Variants in ALK observed in about 807,000 individuals in gnomAD.
ALK encodes the protein ALK tyrosine kinase receptor.
ALK carries 74 observed loss-of-function variants against 163.1 expected under a neutral mutation model. That is an observed-to-expected ratio of 0.45 (90% CI 0.38 to 0.55). The LOEUF is 0.55. Ranked by LOEUF, ALK falls within the 20% of genes least tolerant of loss-of-function variation. The probability of loss-of-function intolerance (pLI) is 0.00; values close to 1 mark genes in which losing one functional copy is unlikely to be tolerated. For missense variants in ALK, 2,063 were observed against 2,105.3 expected (o/e 0.98, Z 0.39); for synonymous variants, 960 against 843.2 (o/e 1.14, Z -2.40).
intron 12 of ALK, among the ~76,000 whole-genome samples, chr2:29,248,020 C>T (rs902228131): frequency 2.6e-5 from 4 of 152,104 alleles, no homozygotes; most frequent in African/African-American, 7.2e-5. Flanking sequence ...TTGAAGTGGT[C>T]TAAAAATCAA....
intron 1 of ALK, among the ~76,000 whole-genome samples, chr2:29,728,028 G>A (rs533719189): frequency 1.3e-5 from 2 of 152,286 alleles, no homozygotes; most frequent in South Asian, 2.1e-4. Context: ...ACCCACCACA[G>A]GAGAAGGTAG....
At chr2:29,908,307 CACAT>C (rs375869699) in intron 1 of ALK, among the ~76,000 whole-genome samples, 7 of 129,034 alleles carry the variant, frequency 5.4e-5, no homozygotes, top group African/African-American at 2.0e-4. Context: ...CACACACACA[CACAT>C]TGTCTATCTG....
At chr2:29,231,154 A>G (rs1173650505) in intron 15 of ALK, among the ~76,000 whole-genome samples, 1 of 152,150 alleles carries the variant, frequency 6.6e-6, no homozygotes, top group East Asian at 1.9e-4. Context: ...CCTGACCAAC[A>G]TGGAGAAACC....
chr2:29,876,750 A>G (rs984596142), intron 1 of ALK, among the ~76,000 whole-genome samples: 1 of 150,360 alleles, frequency 6.7e-6, no homozygotes, highest in Non-Finnish European at 1.5e-5. Flanking sequence ...GGTAATGATG[A>G]TGGTGGTGAT....
rs113206899 is a variant in ALK at position 29,266,002 on chromosome 2, C to T, written c.2041+9097G>A. On this transcript the variant is annotated intron_variant, in intron 11 of 28. Coordinates refer to ENST00000389048, the MANE Select transcript of ALK (RefSeq NM_004304.5). ...CTCCATCTCAAAAAACAAAACAAAACAAAACAAAAACCCCAAAACAAACAA... is the reference window on the plus strand; with the variant it reads ...CTCCATCTCAAAAAACAAAACAAAATAAAACAAAAACCCCAAAACAAACAA... Among the ~76,000 whole-genome samples the T allele has an allele frequency of 7.1e-3, 1,083 of 152,168 alleles. 14 individuals are homozygous for T. Among genetic ancestry groups the T allele is most frequent in the African/African-American group, 0.024 (996 of 41,522 alleles).
At chr2:29,220,999 A>ATCTT (rs1418069138) in intron 22 of ALK, 164 bp from the exon 23 acceptor site, 1 of 955,992 alleles carries the variant, frequency 1.0e-6, no homozygotes, top group African/African-American at 1.6e-5. Context: ...TAAACCCAGA[A>ATCTT]TCTTGCTGGT....
intron 26 of ALK, among the ~76,000 whole-genome samples, chr2:29,206,210 T>TG (rs1421827931): frequency 9.3e-5 from 14 of 150,702 alleles, no homozygotes; most frequent in Non-Finnish European, 1.8e-4. Context: ...CTTTCTTCTC[T>TG]CTCCTCTCTT....
In ALK at chr2:29,779,966, A is replaced by G. The variant is rs140934847; in HGVS notation, c.668-62269T>C. ...GACACCAGGAAACTGTCTTACATTT[A>G]TGGGGCTTTGGGACAAGATTCCTTG... On this transcript the variant is annotated intron_variant, in intron 1 of 28. Coordinates refer to ENST00000389048, the MANE Select transcript of ALK (RefSeq NM_004304.5). 4.1e-3 allele frequency among the ~76,000 whole-genome samples: 622 copies of G among 152,304 alleles called. 7 individuals are homozygous for G. The highest frequency in any genetic ancestry group is 0.013 in the African/African-American group (559 of 41,556).
intron 4 of ALK, among the ~76,000 whole-genome samples, chr2:29,523,919 TA>T (rs1453800013): frequency 1.4e-5 from 2 of 140,550 alleles, no homozygotes; most frequent in African/African-American, 2.7e-5. Flanking sequence ...CAATCGTGAG[TA>T]AAAGTTGTAC....
chr2:29,348,879 A>T (rs936664567), intron 5 of ALK, among the ~76,000 whole-genome samples: 2 of 152,192 alleles, frequency 1.3e-5, no homozygotes, highest in Non-Finnish European at 2.9e-5. Flanking sequence ...ACCCAGATTC[A>T]ATCAGGACCT....
At chr2:29,249,995 C>T (rs1664776407) in intron 12 of ALK, among the ~76,000 whole-genome samples, 1 of 152,232 alleles carries the variant, frequency 6.6e-6, no homozygotes, top group Non-Finnish European at 1.5e-5. Context: ...GGGGCTGCCA[C>T]AAGAAATGTT....
intron 11 of ALK, among the ~76,000 whole-genome samples, chr2:29,272,578 C>T (rs956308944): frequency 7.2e-5 from 11 of 152,158 alleles, no homozygotes; most frequent in African/African-American, 2.4e-4. Context: ...CTCAAAAGAC[C>T]CCAAAGGGCC....
intron 2 of ALK, among the ~76,000 whole-genome samples, chr2:29,697,230 C>T (rs1220227178): frequency 6.6e-6 from 1 of 152,112 alleles, no homozygotes; most frequent in Non-Finnish European, 1.5e-5. Context: ...GCTTTGCCAG[C>T]CCTATAATCT....
intron 1 of ALK, among the ~76,000 whole-genome samples, chr2:29,915,010 T>C (rs1271326660): frequency 6.6e-6 from 1 of 152,222 alleles, no homozygotes; most frequent in Non-Finnish European, 1.5e-5. Flanking sequence ...TAATAATAAA[T>C]GTGAACATGC....
At chr2:29,689,616 C>A (rs377004938) in intron 3 of ALK, among the ~76,000 whole-genome samples, 2 of 152,156 alleles carry the variant, frequency 1.3e-5, no homozygotes, top group African/African-American at 2.4e-5. Flanking sequence ...CCAACCCAGA[C>A]GCAGGGGGAG....
At chr2:29,386,005 C>T (rs1487199485) in intron 4 of ALK, among the ~76,000 whole-genome samples, 2 of 152,224 alleles carry the variant, frequency 1.3e-5, no homozygotes, top group African/African-American at 4.8e-5. Context: ...TCTGCATGCG[C>T]TTGCTAACAC....
rs148284008 is a variant in ALK at position 29,222,535 on chromosome 2, G to A, written c.3432C>T (p.Pro1144=). Residue 1144 remains proline, a synonymous_variant, in exon 21 of 29, where the codon CCC becomes CCT. Coordinates refer to ENST00000389048, the MANE Select transcript of ALK (RefSeq NM_004304.5). ...TTCTTACCTTCACAGCCACTTGCAG[G>A]GGGCTTGGGTCGTTGGGCATTCCGG... The part of the protein sequence containing the change: ...QVSGMPNDPS[P]LQVAVKTLPE... The A allele has an allele frequency of 8.7e-6, 14 of 1,614,008 alleles. No homozygotes were observed. In the African/African-American group the frequency reaches 1.7e-4, roughly 20 times the overall value.
chr2:29,231,453 G>C (rs780515391), intron 15 of ALK, among the ~76,000 whole-genome samples: 22 of 152,200 alleles, frequency 1.4e-4, no homozygotes, highest in Admixed American at 7.2e-4. Context: ...AACAGGAATG[G>C]TATCTGCCTG....
chr2:29,831,059 AGGG>A (rs1161881835), intron 1 of ALK, among the ~76,000 whole-genome samples: 471 of 28,602 alleles, frequency 0.016, 11 homozygotes, highest in Middle Eastern at 0.036. Context: ...GAGAAGAGGA[AGGG>A]GAGGAAGGGG....
Sources: gnomAD v4.1 joint callset for allele counts (sites outside exome capture counted in the v4.1 genomes callset) on GRCh38, gnomAD v4.1.1 for gene constraint, MANE v1.5 for transcripts, NCBI Gene and HGNC (gene_info 2026-07-23, HGNC 2026-07-21) for gene names.